Variants in SV2C observed in about 807,000 individuals in gnomAD.
SV2C encodes the protein solute carrier family 22 member B3.
A neutral mutation model predicts 79.7 loss-of-function variants in SV2C; 49 were observed. That is an observed-to-expected ratio of 0.61 (90% confidence interval 0.49 to 0.78). The LOEUF (loss-of-function observed/expected upper bound fraction) is 0.78. Among genes scored for constraint, SV2C ranks in the 30% least tolerant of loss-of-function variants. SV2C has a pLI of 0.00. For synonymous variants in SV2C, 334 were observed against 333.2 expected (o/e 1.00, Z -0.03); for missense variants, 833 against 912.9 (o/e 0.91, Z 1.13).
intron 12 of SV2C, among the ~76,000 whole-genome samples, chr5:76,317,009 C>G (rs1417137060): frequency 6.6e-6 from 1 of 151,656 alleles, no homozygotes; most frequent in Non-Finnish European, 1.5e-5. Context: ...TGACACTTAG[C>G]AGATATTTAA....
chr5:76,173,752 T>C (rs1401008094), intron 2 of SV2C: 2 of 1,611,614 alleles, frequency 1.2e-6, no homozygotes, highest in Non-Finnish European at 1.7e-6. Context: ...CAGAAGATTC[T>C]AAGAATGCAC....
chr5:76,293,387 C>G (rs1747626130), intron 8 of SV2C, among the ~76,000 whole-genome samples: 1 of 152,146 alleles, frequency 6.6e-6, no homozygotes, highest in Non-Finnish European at 1.5e-5. Context: ...CATTATTGAT[C>G]ATATTTTAAG....
chr5:76,016,727 T>C, the SV2C span, among the ~76,000 whole-genome samples: 1 of 152,230 alleles, frequency 6.6e-6, no homozygotes, highest in Admixed American at 6.5e-5. Context: ...TGATTCAATG[T>C]GGACTGCAGA....
the SV2C span, among the ~76,000 whole-genome samples, chr5:76,052,435 A>C: frequency 8.7e-4 from 132 of 152,342 alleles, no homozygotes; most frequent in African/African-American, 3.1e-3. Context: ...ATTAAAACTT[A>C]TTAATGGCTC....
At chr5:76,049,431 T>C in the SV2C span, among the ~76,000 whole-genome samples, 1 of 152,200 alleles carries the variant, frequency 6.6e-6, no homozygotes, top group Non-Finnish European at 1.5e-5. Flanking sequence ...CAGATTTCAT[T>C]GTTAGGTAAG....
chr5:76,037,667 T>C, the SV2C span, among the ~76,000 whole-genome samples: 2 of 152,186 alleles, frequency 1.3e-5, no homozygotes, highest in Non-Finnish European at 2.9e-5. Context: ...GACAGGGACA[T>C]TTAAGTCTGC....
At chr5:76,193,355 G>A (rs937497639) in intron 2 of SV2C, among the ~76,000 whole-genome samples, 5 of 152,126 alleles carry the variant, frequency 3.3e-5, no homozygotes, top group African/African-American at 1.2e-4. Context: ...AGTCTAGGGG[G>A]CAGTAGGAAT....
chr5:76,130,828 A>T (rs776979473), intron 1 of SV2C, among the ~76,000 whole-genome samples: 5 of 151,782 alleles, frequency 3.3e-5, no homozygotes, highest in African/African-American at 7.3e-5. Flanking sequence ...AGAGAGAGAG[A>T]GTGTGTGTGC....
At chr5:76,023,823 T>C in the SV2C span, among the ~76,000 whole-genome samples, 1 of 151,818 alleles carries the variant, frequency 6.6e-6, no homozygotes, top group Non-Finnish European at 1.5e-5. Context: ...TATGCCCACA[T>C]ATGCATGGGT....
the SV2C span, among the ~76,000 whole-genome samples, chr5:75,865,204 G>A: frequency 1.3e-5 from 2 of 152,320 alleles, no homozygotes; most frequent in African/African-American, 4.8e-5. Context: ...GTCTATGAGA[G>A]CAACTGAGGA....
the SV2C span, among the ~76,000 whole-genome samples, chr5:75,946,190 A>G: frequency 6.6e-6 from 1 of 152,142 alleles, no homozygotes; most frequent in Non-Finnish European, 1.5e-5. Flanking sequence ...CATACTGCAA[A>G]CATCAGGAAT....
intron 2 of SV2C, among the ~76,000 whole-genome samples, chr5:76,136,133 C>G (rs1467321241): frequency 6.6e-6 from 1 of 152,192 alleles, no homozygotes; most frequent in Non-Finnish European, 1.5e-5. Context: ...AGATGCAAAG[C>G]AACATATTCT....
chr5:76,084,464 G>A (rs1747104794), intron 1 of SV2C, among the ~76,000 whole-genome samples: 1 of 151,938 alleles, frequency 6.6e-6, no homozygotes, highest in Admixed American at 6.6e-5. Context: ...TGGGCCCACG[G>A]GGACTGCGGA....
chr5:76,291,141 C>T (rs1374180692), intron 6 of SV2C, 80 bp from the exon 7 acceptor site: 3 of 998,658 alleles, frequency 3.0e-6, no homozygotes. Flanking sequence ...AGTTTTTGCT[C>T]CTGTAAAAAC....
At chr5:76,190,688 C>G (rs1445517370) in intron 2 of SV2C, among the ~76,000 whole-genome samples, 3 of 152,140 alleles carry the variant, frequency 2.0e-5, no homozygotes, top group African/African-American at 7.2e-5. Context: ...CACTGGGCCT[C>G]TATTGTAGAC....
intron 1 of SV2C, among the ~76,000 whole-genome samples, chr5:76,100,748 G>A (rs1483470546): frequency 6.6e-6 from 1 of 152,144 alleles, no homozygotes; most frequent in Admixed American, 6.5e-5. Flanking sequence ...TGGTTTGAAG[G>A]CAACAGTCTG....
chr5:75,929,480 G>A, the SV2C span, among the ~76,000 whole-genome samples: 1 of 151,894 alleles, frequency 6.6e-6, no homozygotes, highest in East Asian at 1.9e-4. Flanking sequence ...AATGTGCAAA[G>A]AGGATTAAAC....
chr5:76,005,867 G>A, the SV2C span, among the ~76,000 whole-genome samples: 2 of 152,146 alleles, frequency 1.3e-5, no homozygotes, highest in African/African-American at 4.8e-5. Context: ...AGTAAGCCAA[G>A]ATTTTACCTC....
chr5:76,056,392 G>A, the SV2C span, among the ~76,000 whole-genome samples: 1 of 152,108 alleles, frequency 6.6e-6, no homozygotes, highest in African/African-American at 2.4e-5. Flanking sequence ...GATTCCATTT[G>A]TCAGTATTTT....
Sources: gnomAD v4.1 joint callset for allele counts (sites outside exome capture counted in the v4.1 genomes callset) on GRCh38, gnomAD v4.1.1 for gene constraint, MANE v1.5 for transcripts, NCBI Gene and HGNC (gene_info 2026-07-23, HGNC 2026-07-21) for gene names.